The following PPFIA1 variants were observed in gnomAD, a reference collection of about 807,000 sequenced individuals.
PPFIA1 encodes the protein PPFI scaffold protein A1, also known as liprin-alpha-1.
In PPFIA1, 25 loss-of-function variants were observed where a neutral mutation model predicts 149.9. The observed-to-expected ratio is 0.17, with a 90% confidence interval of 0.12 to 0.23. The LOEUF is 0.23. PPFIA1 is among the 10% of genes least tolerant of loss of function. The pLI is 1.00. For missense variants in PPFIA1, 1,362 were observed against 1,506.5 expected, an observed-to-expected ratio of 0.90 and a Z score of 1.59; for synonymous variants, 549 against 552.8, an observed-to-expected ratio of 0.99 and a Z score of 0.10.
rs138995937 is a variant in PPFIA1, at chr11:70,292,897, C to T, written c.264+20461C>T. ...GCCCCCTTATAGTATTACTGGAGTG[C>T]ACACACTTATGGTTCTTTAACGGAG... On this transcript the variant is annotated intron_variant, in intron 2 of 27. Transcript: ENST00000253925. Among the ~76,000 whole-genome samples, 303 of 152,320 alleles carry T rather than the reference C, an allele frequency of 2.0e-3. 1 individual carries two copies. The highest frequency in any genetic ancestry group is 7.0e-3 in the African/African-American group (289 of 41,572).
intron 2 of PPFIA1, among the ~76,000 whole-genome samples, chr11:70,289,274 G>T (rs2051361796): frequency 1.3e-5 from 2 of 151,998 alleles, no homozygotes; most frequent in East Asian, 3.9e-4. Context: ...CCTGGCTGAA[G>T]GTAGCATCTT....
At chr11:70,341,402 AAG>A in intron 14 of PPFIA1, among the ~76,000 whole-genome samples, 1 of 152,182 alleles carries the variant, frequency 6.6e-6, no homozygotes, top group African/African-American at 2.4e-5. Context: ...GTGAGAAGGA[AAG>A]AGAGGAAGTC....
chr11:70,344,770 C>T (rs183402680), intron 15 of PPFIA1, among the ~76,000 whole-genome samples: 1 of 152,354 alleles, frequency 6.6e-6, no homozygotes, highest in African/African-American at 2.4e-5. Context: ...AGAATGCCTG[C>T]ATCCCAGAGG....
intron 19 of PPFIA1, among the ~76,000 whole-genome samples, chr11:70,360,031 C>G (rs1591336569): frequency 6.6e-6 from 1 of 152,236 alleles, no homozygotes; most frequent in Non-Finnish European, 1.5e-5. Flanking sequence ...TTTGGTCTTA[C>G]AGATCATGGA....
intron 16 of PPFIA1, among the ~76,000 whole-genome samples, chr11:70,349,766 G>C (rs1591306069): frequency 6.6e-6 from 1 of 152,132 alleles, no homozygotes; most frequent in Admixed American, 6.5e-5. Flanking sequence ...TGTTTTATTT[G>C]TGGGCTTGTG....
intron 1 of PPFIA1, among the ~76,000 whole-genome samples, chr11:70,271,720 T>C (rs896172007): frequency 3.3e-5 from 5 of 152,212 alleles, no homozygotes; most frequent in Admixed American, 3.3e-4. Flanking sequence ...TTTGTACTTG[T>C]CAGTTTTGCT....
At chr11:70,361,420 T>A (rs1266414592) in intron 19 of PPFIA1, among the ~76,000 whole-genome samples, 1 of 152,182 alleles carries the variant, frequency 6.6e-6, no homozygotes, top group African/African-American at 2.4e-5. Context: ...ATAGCTGTTG[T>A]ACTGTATTGG....
chr11:70,378,513 G>A, intron 26 of PPFIA1: 7 of 1,010,536 alleles, frequency 6.9e-6, no homozygotes, highest in Non-Finnish European at 8.4e-6. Flanking sequence ...GACAGGCCGT[G>A]CTAGAAAGCT....
chr11:70,310,195 TTG>T (rs1447533496), intron 2 of PPFIA1, among the ~76,000 whole-genome samples: 2 of 152,234 alleles, frequency 1.3e-5, no homozygotes, highest in East Asian at 3.9e-4. Flanking sequence ...GGATTATAAA[TTG>T]TGTTTATTAT....
At chr11:70,342,949 T>TTC (rs1313146587) in intron 14 of PPFIA1, among the ~76,000 whole-genome samples, 1 of 133,634 alleles carries the variant, frequency 7.5e-6, no homozygotes, top group East Asian at 2.1e-4. Context: ...TTTTTTTTTT[T>TTC]TTTTTTTTTT....
At chr11:70,307,996 G>T (rs544598933) in intron 2 of PPFIA1, among the ~76,000 whole-genome samples, 2 of 152,326 alleles carry the variant, frequency 1.3e-5, no homozygotes, top group African/African-American at 4.8e-5. Flanking sequence ...TTTAAACCTT[G>T]TTAGGGCCAA....
chr11:70,295,177 C>CG (rs2051829242), intron 2 of PPFIA1, among the ~76,000 whole-genome samples: 2 of 145,596 alleles, frequency 1.4e-5, no homozygotes, highest in South Asian at 2.2e-4. Context: ...GCTGGCCGGG[C>CG]GGGGGGCTGA....
At chr11:70,287,467 A>T (rs1304077415) in intron 2 of PPFIA1, among the ~76,000 whole-genome samples, 3 of 150,800 alleles carry the variant, frequency 2.0e-5, no homozygotes, top group African/African-American at 7.3e-5. Context: ...AAATGCCCAT[A>T]TTCTGATGCA....
intron 18 of PPFIA1, 113 bp downstream of exon 18, chr11:70,355,924 G>A: frequency 2.9e-6 from 4 of 1,375,992 alleles, no homozygotes; most frequent in Non-Finnish European, 4.0e-6. Context: ...TCTCCAGGGA[G>A]CAGCAGCTGT....
chr11:70,277,522 G>A (rs1389610002), intron 2 of PPFIA1, among the ~76,000 whole-genome samples: 1 of 148,564 alleles, frequency 6.7e-6, no homozygotes, highest in African/African-American at 2.5e-5. Context: ...ACAGAGTCTC[G>A]CTCTGTTGCC....
intron 2 of PPFIA1, among the ~76,000 whole-genome samples, chr11:70,320,940 G>GA (rs754919894): frequency 6.6e-6 from 1 of 152,168 alleles, no homozygotes; most frequent in Non-Finnish European, 1.5e-5. Context: ...CATCACCATG[G>GA]AAAACCTAGT....
chr11:70,297,817 G>A (rs1565360948), intron 2 of PPFIA1, among the ~76,000 whole-genome samples: 1 of 152,216 alleles, frequency 6.6e-6, no homozygotes, highest in Non-Finnish European at 1.5e-5. Context: ...GGGAGAGCAA[G>A]TTTCTGGTGC....
chr11:70,300,733 C>T (rs2052432617), intron 2 of PPFIA1, among the ~76,000 whole-genome samples: 2 of 152,136 alleles, frequency 1.3e-5, no homozygotes, highest in African/African-American at 4.8e-5. Flanking sequence ...CAGGGTTTCA[C>T]CATGTTGGCC....
At chr11:70,371,090 C>A (rs1565459654) in intron 21 of PPFIA1, among the ~76,000 whole-genome samples, 1 of 152,172 alleles carries the variant, frequency 6.6e-6, no homozygotes, top group African/African-American at 2.4e-5. Flanking sequence ...CGAGGTCGCG[C>A]TACTGCACTC....
Sources: allele counts gnomAD v4.1 joint callset (sites outside exome capture counted in the v4.1 genomes callset), GRCh38; gene constraint gnomAD v4.1.1; transcripts MANE v1.5; gene names NCBI Gene and HGNC (gene_info 2026-07-23, HGNC 2026-07-21).